The following ADAMTS17 variants were observed in gnomAD, a reference collection of about 807,000 sequenced individuals.
The protein encoded by ADAMTS17 is ADAM metallopeptidase with thrombospondin type 1 motif 17, also known as A disintegrin and metalloproteinase with thrombospondin motifs 17.
ADAMTS17 carries 113 observed loss-of-function variants against 141.5 expected under a neutral mutation model. That is an observed-to-expected ratio of 0.80 (90% CI 0.69 to 0.93). The LOEUF (loss-of-function observed/expected upper bound fraction) is 0.93. ADAMTS17 is among the 40% of genes least tolerant of loss of function. ADAMTS17 has a pLI of 0.00. For synonymous variants in ADAMTS17, 768 were observed against 630.6 expected (o/e 1.22, Z -3.27); for missense variants, 1,659 against 1,517.9 (o/e 1.09, Z -1.54).
rs72768064 is a variant in ADAMTS17, at chr15:100,028,123, A to G, written c.2591+20734T>C. Among the ~76,000 whole-genome samples, 576 of 152,238 alleles carry G rather than the reference A, an allele frequency of 3.8e-3. 5 individuals carry two copies. The highest frequency in any genetic ancestry group is 0.01 in the Middle Eastern group (3 of 294). ...CATCTGTGTCCCTGCTTCATCCATA[A>G]TAATATCATGGGAAGCTTACTAAGT... On this transcript the variant is annotated intron_variant, in intron 18 of 21. Transcript: ENST00000268070.
intron 17 of ADAMTS17, among the ~76,000 whole-genome samples, 195 bp downstream of exon 17, chr15:100,051,377 G>C (rs934533628): frequency 2.0e-5 from 3 of 152,218 alleles, no homozygotes; most frequent in African/African-American, 7.2e-5. Context: ...GCAGAGGTAT[G>C]GGCATGACCC....
chr15:99,976,409 G>A (rs543821353), intron 20 of ADAMTS17, 187 bp from the exon 21 acceptor site: 4 of 771,302 alleles, frequency 5.2e-6, no homozygotes, highest in South Asian at 4.7e-5. Flanking sequence ...GCCTACACGA[G>A]GTCAGGGGGC....
chr15:100,025,861 GTTTA>G (rs1001461593), intron 18 of ADAMTS17, among the ~76,000 whole-genome samples: 9 of 151,718 alleles, frequency 5.9e-5, no homozygotes, highest in Non-Finnish European at 8.8e-5. Flanking sequence ...TTTCTTTACT[GTTTA>G]TTTATTTTTT....
chr15:100,260,134 C>T (rs954178000), intron 6 of ADAMTS17, among the ~76,000 whole-genome samples: 5 of 152,242 alleles, frequency 3.3e-5, no homozygotes, highest in Non-Finnish European at 7.4e-5. Flanking sequence ...CATGAGCCAT[C>T]GCTCCCGGCT....
Position 100,116,933 on chromosome 15 carries a change from A to T in ADAMTS17, c.1802T>A (p.Leu601Gln). The T allele has an allele frequency of 5.0e-6, 8 of 1,614,168 alleles. No individual in the cohort carries two copies. The highest frequency in any genetic ancestry group is 6.8e-6 in the Non-Finnish European group (8 of 1,180,026). The change falls in exon 13 of 22, where the codon CTG becomes CAG. Residue 601 changes from leucine (L) to glutamine (Q), a missense_variant. Leu to Gln is a moderately radical substitution (Grantham distance 113, BLOSUM62 -2). Transcript: ENST00000268070. Reference protein sequence around the residue: ...VCENLPCPKGLPSFRDQQCQA... With the variant: ...VCENLPCPKGQPSFRDQQCQA... ...GCACTGCTGGTCCCGGAAGCTGGGCAGACCCTTGGGGCAGGGCAGGTTCTC... is the reference window on the plus strand; with the variant it reads ...GCACTGCTGGTCCCGGAAGCTGGGCTGACCCTTGGGGCAGGGCAGGTTCTC...
chr15:100,161,632 C>A (rs966052857), intron 8 of ADAMTS17, among the ~76,000 whole-genome samples: 1 of 152,180 alleles, frequency 6.6e-6, no homozygotes, highest in Non-Finnish European at 1.5e-5. Context: ...ATCAACATAA[C>A]AATAATTAAC....
chr15:100,331,202 G>A (rs1282003455), intron 2 of ADAMTS17, 148 bp from the exon 3 acceptor site: 4 of 985,004 alleles, frequency 4.1e-6, no homozygotes, highest in Non-Finnish European at 6.2e-6. Flanking sequence ...AGATTTACCT[G>A]AGCCCAAGAG....
chr15:100,296,761 G>A (rs952434353), intron 3 of ADAMTS17, among the ~76,000 whole-genome samples: 2 of 152,214 alleles, frequency 1.3e-5, no homozygotes, highest in South Asian at 4.1e-4. Flanking sequence ...AGCAGGCCAG[G>A]GTAGGGAAGC....
chr15:100,109,020 T>A lies in ADAMTS17; in HGVS notation c.1985A>T (p.Glu662Val). ...CTTGCCGTGCACGCAGAGATCAGTC[T>A]CGTAGGGCCCGCAGGGTGTACCGTC... The part of the protein sequence containing the change: ...VLDGTPCGPY[E>V]TDLCVHGKCQ... Residue 662 changes from glutamate (E) to valine (V), a missense_variant, in exon 14 of 22, where the codon GAG becomes GTG. Transcript: ENST00000268070. 1.2e-6 allele frequency: 2 copies of A among 1,614,068 alleles called. No homozygotes were observed. Among genetic ancestry groups the A allele is most frequent in the Non-Finnish European group, 1.7e-6 (2 of 1,180,010 alleles).
intron 7 of ADAMTS17, among the ~76,000 whole-genome samples, chr15:100,208,710 T>A (rs1470252090): frequency 6.6e-6 from 1 of 152,134 alleles, no homozygotes; most frequent in East Asian, 1.9e-4. Context: ...ATGCCTCAAT[T>A]ATAATTTAAA....
chr15:100,195,613 CAAAAAAAAAAAAA>C (rs71287815), intron 8 of ADAMTS17, among the ~76,000 whole-genome samples: 1 of 63,646 alleles, frequency 1.6e-5, no homozygotes, highest in Non-Finnish European at 3.0e-5. Flanking sequence ...TGTTTGGTCT[CAAAAAAAAAAAAA>C]AAAAAAAAAA....
At position 100,155,232 on chromosome 15, in the gene ADAMTS17, T is replaced by C. The variant is rs772150067; in HGVS notation, c.1270A>G (p.Ser424Gly). The C allele has an allele frequency of 8.1e-6, 13 of 1,614,240 alleles. No individual in the cohort carries two copies. The highest frequency in any genetic ancestry group is 3.3e-4 in the Middle Eastern group (2 of 6,062). Reference sequence around the variant, plus strand: ...CTGCAGGAGGACCAAGAGAGGTCACTTGGGTTCCGGCCTTTCACCCACTCT... The same window carrying C: ...CTGCAGGAGGACCAAGAGAGGTCACCTGGGTTCCGGCCTTTCACCCACTCT... ...SGEWVKGRNP[S>G]DLSWSSCSRD... Residue 424 changes from serine (S) to glycine (G), a missense_variant, in exon 9 of 22, where the codon AGT becomes GGT. Transcript: ENST00000268070.
At chr15:100,269,268 T>C (rs994536572) in intron 4 of ADAMTS17, among the ~76,000 whole-genome samples, 1 of 152,164 alleles carries the variant, frequency 6.6e-6, no homozygotes, top group African/African-American at 2.4e-5. Context: ...AAAACAAAAA[T>C]TGACAAGTGA....
intron 15 of ADAMTS17, among the ~76,000 whole-genome samples, chr15:100,072,382 T>C (rs1167387803): frequency 6.7e-6 from 1 of 149,402 alleles, no homozygotes; most frequent in African/African-American, 2.5e-5. Flanking sequence ...CCAATGACTT[T>C]CTTCACAGAA....
intron 8 of ADAMTS17, among the ~76,000 whole-genome samples, chr15:100,175,422 C>T (rs574120174): frequency 7.9e-5 from 12 of 152,220 alleles, no homozygotes; most frequent in Admixed American, 1.3e-4. Flanking sequence ...GGCAGTAGAG[C>T]GCTCATGCAT....
At chr15:100,214,962 A>T (rs1470907844) in intron 7 of ADAMTS17, among the ~76,000 whole-genome samples, 2 of 152,258 alleles carry the variant, frequency 1.3e-5, no homozygotes, top group African/African-American at 4.8e-5. Context: ...ACAACTGCCC[A>T]TTCTGCTCTA....
intron 8 of ADAMTS17, among the ~76,000 whole-genome samples, chr15:100,156,530 T>C (rs145986700): frequency 1.3e-5 from 2 of 152,268 alleles, no homozygotes; most frequent in East Asian, 3.9e-4. Flanking sequence ...CCCCCGTCAG[T>C]GGAGGGGGGG....
rs1484407841 is a variant in ADAMTS17 at position 100,341,021 on chromosome 15, A to C, written c.450+18T>G. The C allele has an allele frequency of 3.1e-5, 47 of 1,504,344 alleles. No individual in the cohort carries two copies. Among genetic ancestry groups the C allele is most frequent in the Non-Finnish European group, 4.1e-5 (46 of 1,129,464 alleles). The allele number at this position is 1,504,344 out of a possible 1,614,324, so 93.2% of individuals were successfully genotyped here. On this transcript the variant is annotated intron_variant, in intron 2 of 21. Transcript: ENST00000268070. ...CAACAGACCGGACGGGCCGACCCGGAGGTGGCGCGGGCAGTACCAGGCCGC... is the reference window on the plus strand; with the variant it reads ...CAACAGACCGGACGGGCCGACCCGGCGGTGGCGCGGGCAGTACCAGGCCGC...
chr15:100,306,325 A>G, intron 3 of ADAMTS17: 1 of 366,864 alleles, frequency 2.7e-6, no homozygotes, highest in Non-Finnish European at 5.4e-6. Flanking sequence ...TCTGAGGCTG[A>G]TCCTCAAAGG....
Sources: gnomAD v4.1 joint callset for allele counts (sites outside exome capture counted in the v4.1 genomes callset) on GRCh38, gnomAD v4.1.1 for gene constraint, MANE v1.5 for transcripts, NCBI Gene and HGNC (gene_info 2026-07-23, HGNC 2026-07-21) for gene names.